Variants in WDR35 observed in about 807,000 individuals in gnomAD.
WDR35 encodes WD repeat-containing protein 35.
A neutral mutation model predicts 158.3 loss-of-function variants in WDR35; 118 were observed. That is an observed-to-expected ratio of 0.75 (90% CI 0.64 to 0.87). WDR35 has a LOEUF of 0.87. Ranked by LOEUF, WDR35 falls within the 40% of genes least tolerant of loss-of-function variation. The probability of loss-of-function intolerance (pLI) is 0.00; values close to 1 mark genes in which losing one functional copy is unlikely to be tolerated. For synonymous variants in WDR35, 448 were observed against 476.1 expected (o/e 0.94, Z 0.77); for missense variants, 1,263 against 1,405.8 (o/e 0.90, Z 1.62).
Position 19,936,320 on chromosome 2 carries a change from T to G in WDR35, c.2313A>C (p.Arg771Ser). The change falls in exon 20 of 27, where the codon AGA (arginine) becomes AGC (serine). Residue 771 changes from arginine (R) to serine (S), a missense_variant. Physicochemically the swap from Arg to Ser is moderately radical, Grantham distance 110. Transcript: ENST00000281405. The stretch of plus-strand genomic sequence containing the variant: ...ATCCAGTTTTCAGGAGCTGGAGTAC[T>G]CTAAACCAATCCCCCAATTTCAGCC... ...GLRLKLGDWF[R>S]VLQLLKTGSG... 1 of 1,614,022 alleles carries G rather than the reference T, an allele frequency of 6.2e-7. No homozygotes were observed. The highest frequency in any genetic ancestry group is 8.5e-7 in the Non-Finnish European group (1 of 1,179,930).
intron 26 of WDR35, 54 bp from the exon 27 acceptor site, chr2:19,913,762 A>C: frequency 1.2e-6 from 2 of 1,609,484 alleles, no homozygotes; most frequent in Non-Finnish European, 1.7e-6. Flanking sequence ...CATTAGTCTA[A>C]CTTTATTTAA....
chr2:19,961,753 A>G (rs1017411590), intron 10 of WDR35, among the ~76,000 whole-genome samples: 4 of 152,184 alleles, frequency 2.6e-5, no homozygotes, highest in African/African-American at 9.7e-5. Context: ...AAAGGACAAT[A>G]ATGTCCACTT....
chr2:19,931,516 C>T, intron 23 of WDR35, 107 bp from the exon 24 acceptor site: 1 of 1,261,040 alleles, frequency 7.9e-7, no homozygotes, highest in Non-Finnish European at 1.1e-6. Context: ...GGAGGAAAAT[C>T]AGTAAGATGG....
Position 19,948,181 on chromosome 2 carries a change from C to G in WDR35, c.1507G>C (p.Asp503His), listed in dbSNP as rs199669524. The change falls in exon 14 of 27, where the codon GAT becomes CAT. Residue 503 changes from aspartate (D) to histidine (H), a missense_variant. Transcript: ENST00000281405. Reference protein sequence around the residue: ...RDPICAITASDKILIVGRESG... With the variant: ...RDPICAITASHKILIVGRESG... ...AAACTTACCACAATCAATATCTTAT[C>G]TGATGCAGTTATGGCACAAATTGGA... The G allele has an allele frequency of 2.2e-5, 35 of 1,609,252 alleles. No homozygotes were observed. The highest frequency in any genetic ancestry group is 2.2e-4 in the Middle Eastern group (1 of 4,584).
In WDR35 at chr2:19,974,576, T is replaced by C. The variant is rs1413290520; in HGVS notation, c.628A>G (p.Ile210Val). ...NVTGAISIAG[I>V]HWYHGTEGYV... ...CCTTCTGTGCCATGGTACCAATGAA[T>C]TCCAGCAATGCTGATAGCTCCAGTG... The change falls in exon 7 of 27, where the codon ATT becomes GTT. Residue 210 changes from isoleucine (I) to valine (V), a missense_variant. Physicochemically the swap from Ile to Val is conservative, Grantham distance 29. Transcript: ENST00000281405. The C allele has an allele frequency of 3.1e-6, 5 of 1,613,474 alleles. No homozygotes were observed. Among genetic ancestry groups the C allele is most frequent in the Admixed American group, 3.3e-5 (2 of 59,928 alleles).
intron 8 of WDR35, among the ~76,000 whole-genome samples, chr2:19,970,721 C>T (rs1672011412): frequency 6.6e-6 from 1 of 152,200 alleles, no homozygotes; most frequent in South Asian, 2.1e-4. Context: ...AACTACTCTG[C>T]CTCCACAGCT....
intron 2 of WDR35, among the ~76,000 whole-genome samples, chr2:19,985,249 G>A (rs1238389608): frequency 6.7e-6 from 1 of 149,134 alleles, no homozygotes; most frequent in African/African-American, 2.5e-5. Context: ...GAAAAAGCAA[G>A]AAATGCCACC....
At chr2:19,949,376 A>T (rs1233071531) in intron 13 of WDR35, among the ~76,000 whole-genome samples, 2 of 152,146 alleles carry the variant, frequency 1.3e-5, no homozygotes, top group Admixed American at 1.3e-4. Flanking sequence ...AACTATATGT[A>T]ACATGATTAG....
chr2:19,947,635 TAA>T (rs973061367), intron 14 of WDR35, among the ~76,000 whole-genome samples: 9 of 152,212 alleles, frequency 5.9e-5, no homozygotes, highest in Non-Finnish European at 1.2e-4. Context: ...CTCGTCATTC[TAA>T]GTCTTATGAA....
intron 25 of WDR35, among the ~76,000 whole-genome samples, chr2:19,929,308 T>C (rs1670455166): frequency 6.6e-6 from 1 of 152,206 alleles, no homozygotes. Context: ...AATAAAAGAA[T>C]TTCTCTAAAA....
intron 3 of WDR35, among the ~76,000 whole-genome samples, chr2:19,981,441 A>ATT (rs1199636986): frequency 2.0e-5 from 3 of 152,206 alleles, no homozygotes; most frequent in African/African-American, 7.2e-5. Flanking sequence ...AATGTCCTTT[A>ATT]TAGACACTTG....
rs745646058 is a variant in WDR35 at position 19,935,007 on chromosome 2, A to G, written c.2547+464T>C. ...ATTAATTAAGAGGCTCTAAAAGAAC[A>G]TTTGAAAGCAAGAGAACTCTTTCCA... On this transcript the variant is annotated intron_variant, in intron 21 of 26. Transcript: ENST00000281405. 18 of 154,346 alleles carry G rather than the reference A, an allele frequency of 1.2e-4. No individual in the cohort carries two copies. In the East Asian group the frequency reaches 3.0e-3, roughly 26 times the overall value. 9.6% of individuals were successfully genotyped at this position (154,346 alleles called of 1,614,324 possible). A position where few individuals can be genotyped will look rare whatever the true frequency, so the allele number is the denominator to read the frequency against.
chr2:19,962,460 A>G, intron 10 of WDR35: 1 of 812,330 alleles, frequency 1.2e-6, no homozygotes, highest in South Asian at 1.5e-5. Context: ...AAATAATCAA[A>G]CGTAATGCAC....
chr2:19,937,034 A>G (rs894865949), intron 19 of WDR35, among the ~76,000 whole-genome samples: 1 of 152,258 alleles, frequency 6.6e-6, no homozygotes, highest in African/African-American at 2.4e-5. Context: ...ATTTCAAAAC[A>G]AAACACAGTG....
chr2:19,959,473 T>G lies in WDR35; in HGVS notation c.1255+1081A>C, dbSNP rs529549309. Among the ~76,000 whole-genome samples the G allele has an allele frequency of 5.9e-5, 9 of 152,120 alleles. No homozygotes were observed. In the South Asian group the frequency reaches 1.9e-3, roughly 31 times the overall value. Reference sequence around the variant, plus strand: ...TTAACAAGGAACACTAATGTGTATATATATGTGTATATAAATATATACACA... The same window carrying G: ...TTAACAAGGAACACTAATGTGTATAGATATGTGTATATAAATATATACACA... On this transcript the variant is annotated intron_variant, in intron 11 of 26. Transcript: ENST00000281405.
chr2:19,945,612 A>G (rs1317914131), intron 16 of WDR35, among the ~76,000 whole-genome samples, 174 bp downstream of exon 16: 1 of 152,174 alleles, frequency 6.6e-6, no homozygotes, highest in Non-Finnish European at 1.5e-5. Flanking sequence ...TTTCTCACCT[A>G]AGACCAAATA....
At chr2:19,933,335 A>C in intron 22 of WDR35, 66 bp downstream of exon 22, 6 of 1,334,118 alleles carry the variant, frequency 4.5e-6, no homozygotes, top group Non-Finnish European at 6.5e-6. Flanking sequence ...GGGTGACTTT[A>C]ACCTTGCTTT....
chr2:19,930,292 A>C, intron 25 of WDR35, 104 bp downstream of exon 25: 1 of 1,537,594 alleles, frequency 6.5e-7, no homozygotes, highest in Non-Finnish European at 8.9e-7. Context: ...ATCCATAGGA[A>C]AAAATGTTAT....
chr2:19,962,290 G>C, intron 10 of WDR35: 1 of 1,612,930 alleles, frequency 6.2e-7, no homozygotes, highest in Non-Finnish European at 8.5e-7. Flanking sequence ...AATTTCATTT[G>C]TTACCGTTGC....
Sources: gnomAD v4.1 joint callset for allele counts (sites outside exome capture counted in the v4.1 genomes callset) on GRCh38, gnomAD v4.1.1 for gene constraint, MANE v1.5 for transcripts, NCBI Gene and HGNC (gene_info 2026-07-23, HGNC 2026-07-21) for gene names.